The following NAALADL2 variants were observed in gnomAD, a reference collection of about 807,000 sequenced individuals.
NAALADL2 encodes N-acetylated alpha-linked acidic dipeptidase like 2.
A neutral mutation model predicts 87.2 loss-of-function variants in NAALADL2; 76 were observed. The observed-to-expected ratio is 0.87, with a 90% CI of 0.72 to 1.05. The LOEUF is 1.05. Ranked by LOEUF, NAALADL2 falls within the 50% of genes least tolerant of loss-of-function variation. The pLI is 0.00. For synonymous variants in NAALADL2, 354 were observed against 331.0 expected (o/e 1.07, Z -0.75); for missense variants, 1,089 against 945.8 (o/e 1.15, Z -1.99).
At chr3:174,855,919 C>T (rs1725807079), upstream of NAALADL2, among the ~76,000 whole-genome samples, 1 of 148,278 alleles carries the variant, frequency 6.7e-6, no homozygotes, top group Admixed American at 6.8e-5. Context: ...AATATATATA[C>T]ACATAGATAT....
intron 1 of NAALADL2, among the ~76,000 whole-genome samples, chr3:174,875,267 A>G (rs1408211021): frequency 1.3e-5 from 2 of 152,028 alleles, no homozygotes; most frequent in South Asian, 2.1e-4. Flanking sequence ...AAAATAAACA[A>G]TATAAATGTC....
chr3:174,709,697 G>T (rs199531693), intron 2 of NAALADL2, among the ~76,000 whole-genome samples: 1 of 152,092 alleles, frequency 6.6e-6, no homozygotes, highest in Non-Finnish European at 1.5e-5. Context: ...ATATATTAGC[G>T]ATTCTGGTAA....
At chr3:175,345,220 A>G (rs935303860) in intron 5 of NAALADL2, among the ~76,000 whole-genome samples, 1 of 152,172 alleles carries the variant, frequency 6.6e-6, no homozygotes, top group African/African-American at 2.4e-5. Flanking sequence ...AATAAATATC[A>G]GATAAATTGA....
chr3:175,660,142 G>T (rs1732052073), intron 11 of NAALADL2, among the ~76,000 whole-genome samples: 2 of 152,034 alleles, frequency 1.3e-5, no homozygotes, highest in Non-Finnish European at 2.9e-5. Context: ...AACTAATCCT[G>T]TTCATGGGCT....
At chr3:175,183,661 C>T (rs139895690) in intron 2 of NAALADL2, among the ~76,000 whole-genome samples, 26 of 152,130 alleles carry the variant, frequency 1.7e-4, no homozygotes, top group African/African-American at 3.6e-4. Context: ...AAACCACCCT[C>T]GGATCCCGGT....
At chr3:175,704,614 T>A (rs1739424339) in intron 11 of NAALADL2, among the ~76,000 whole-genome samples, 1 of 152,182 alleles carries the variant, frequency 6.6e-6, no homozygotes, top group Non-Finnish European at 1.5e-5. Flanking sequence ...ATGTCCTCTC[T>A]ACCCACCGAC....
intron 6 of NAALADL2, among the ~76,000 whole-genome samples, chr3:175,458,079 G>A (rs570448371): frequency 2.0e-5 from 3 of 151,876 alleles, no homozygotes; most frequent in African/African-American, 7.3e-5. Context: ...TATTCTTCGG[G>A]TATTTCTTTA....
At chr3:175,741,665 A>T (rs898311931) in intron 12 of NAALADL2, among the ~76,000 whole-genome samples, 2 of 152,118 alleles carry the variant, frequency 1.3e-5, no homozygotes, top group Admixed American at 1.3e-4. Flanking sequence ...CCCAGAAGAG[A>T]TACATATTAT....
intron 1 of NAALADL2, among the ~76,000 whole-genome samples, chr3:174,980,277 T>C (rs902489483): frequency 6.6e-6 from 1 of 152,214 alleles, no homozygotes; most frequent in Non-Finnish European, 1.5e-5. Context: ...CCTGCTATGA[T>C]ACATGCCTCC....
chr3:175,284,078 A>C (rs1022858552), intron 4 of NAALADL2, among the ~76,000 whole-genome samples: 1 of 152,118 alleles, frequency 6.6e-6, no homozygotes, highest in Non-Finnish European at 1.5e-5. Flanking sequence ...TCTTCCCAAC[A>C]ATATTAGTGT....
intron 13 of NAALADL2, chr3:175,775,165 T>C (rs550235048): frequency 7.3e-5 from 11 of 151,546 alleles, no homozygotes; most frequent in Admixed American, 2.6e-4. Context: ...GTATCTGTGA[T>C]AGTGGATGGC....
chr3:175,338,241 C>T (rs10490874), intron 5 of NAALADL2, among the ~76,000 whole-genome samples: 11,509 of 151,958 alleles, frequency 0.076, 566 homozygotes, highest in East Asian at 0.2. Context: ...GAGGATATGG[C>T]CTAAATGAAA....
Position 174,450,267 on chromosome 3 carries a change from T to G in NAALADL2, c.-184+9235T>G, listed in dbSNP as rs115754316. ...AGTTTTGTCAGCAGAAAGGCTTTAA[T>G]TGGGTGCTGCGCCTGAGGATAGAGA... On this transcript the variant is annotated intron_variant, in intron 1 of 3. Transcript: ENST00000434257. 3.2e-3 allele frequency among the ~76,000 whole-genome samples: 485 copies of G among 152,294 alleles called. 3 individuals carry two copies. The highest frequency in any genetic ancestry group is 0.011 in the African/African-American group (465 of 41,570).
intron 2 of NAALADL2, among the ~76,000 whole-genome samples, chr3:174,574,011 A>C (rs141278449): frequency 1.1e-4 from 17 of 152,318 alleles, no homozygotes; most frequent in African/African-American, 4.1e-4. Flanking sequence ...TAGACTTAGA[A>C]TTTACAACAG....
chr3:175,788,873 T>C (rs1296838583), intron 13 of NAALADL2, among the ~76,000 whole-genome samples: 1 of 152,200 alleles, frequency 6.6e-6, no homozygotes, highest in Non-Finnish European at 1.5e-5. Context: ...CGATGTCCAC[T>C]AAAATTTTTA....
At chr3:174,981,477 AT>A (rs1745102566) in intron 1 of NAALADL2, among the ~76,000 whole-genome samples, 1 of 152,152 alleles carries the variant, frequency 6.6e-6, no homozygotes, top group Non-Finnish European at 1.5e-5. Flanking sequence ...ACATGGGAAA[AT>A]TTCTATTTCT....
intron 2 of NAALADL2, among the ~76,000 whole-genome samples, chr3:174,645,570 C>T (rs1417414609): frequency 6.6e-6 from 1 of 152,158 alleles, no homozygotes; most frequent in Non-Finnish European, 1.5e-5. Flanking sequence ...GCCATATTTT[C>T]CCCATAGAAA....
chr3:174,714,814 G>T (rs545492186), intron 2 of NAALADL2, among the ~76,000 whole-genome samples: 1 of 152,196 alleles, frequency 6.6e-6, no homozygotes. Context: ...GATTGCCCTG[G>T]CCAGAAATTC....
intron 11 of NAALADL2, among the ~76,000 whole-genome samples, chr3:175,668,917 A>T (rs1186139225): frequency 6.6e-6 from 1 of 152,138 alleles, no homozygotes; most frequent in East Asian, 1.9e-4. Context: ...ATTATTTATT[A>T]AGCTCTCACT....
Sources: allele counts gnomAD v4.1 joint callset (sites outside exome capture counted in the v4.1 genomes callset), GRCh38; gene constraint gnomAD v4.1.1; transcripts MANE v1.5; gene names NCBI Gene and HGNC (gene_info 2026-07-23, HGNC 2026-07-21).